MEGF10: variants seen among roughly 807,000 people sequenced by gnomAD.
The protein encoded by MEGF10 is multiple EGF like domains 10, also known as multiple epidermal growth factor-like domains protein 10.
Under a neutral mutation model 147.5 loss-of-function variants are expected in MEGF10, and 86 were observed. That is an observed-to-expected ratio of 0.58 (90% confidence interval 0.49 to 0.70). The LOEUF is 0.70. MEGF10 is among the 30% of genes least tolerant of loss of function. The pLI is 0.00. For synonymous variants in MEGF10, 478 were observed against 525.5 expected (o/e 0.91, Z 1.24); for missense variants, 1,329 against 1,487.3 (o/e 0.89, Z 1.75).
chr5:127,269,290 G>A, the MEGF10 span, among the ~76,000 whole-genome samples: 1 of 152,206 alleles, frequency 6.6e-6, no homozygotes, highest in Non-Finnish European at 1.5e-5. Context: ...AAACTACTCC[G>A]AGCTAAAGGA....
chr5:127,293,598 T>A lies in MEGF10; in HGVS notation c.-19+2542T>A, dbSNP rs148348633. Among the ~76,000 whole-genome samples the A allele has an allele frequency of 4.7e-3, 713 of 152,334 alleles. 7 individuals carry two copies. Among genetic ancestry groups the A allele is most frequent in the African/African-American group, 0.016 (648 of 41,584 alleles). On this transcript the variant is annotated intron_variant, in intron 1 of 24. Transcript: ENST00000503335. ...TGCAAAACTCAAGTCACATGCTCATTTAGCAGCAGTGAATTTACCTTCTTT... is the reference window on the plus strand; with the variant it reads ...TGCAAAACTCAAGTCACATGCTCATATAGCAGCAGTGAATTTACCTTCTTT...
intron 20 of MEGF10, among the ~76,000 whole-genome samples, chr5:127,447,232 G>A (rs532752891): frequency 6.6e-6 from 1 of 152,280 alleles, no homozygotes; most frequent in South Asian, 2.1e-4. Flanking sequence ...CTGGAGTGCA[G>A]TGGTGCGATC....
chr5:127,401,022 A>G (rs1194804727), intron 7 of MEGF10, among the ~76,000 whole-genome samples: 1 of 152,198 alleles, frequency 6.6e-6, no homozygotes. Flanking sequence ...TCCTCTTTAA[A>G]GCTGCTTGTG....
At chr5:127,332,149 C>A (rs924393156) in intron 2 of MEGF10, among the ~76,000 whole-genome samples, 25 of 152,152 alleles carry the variant, frequency 1.6e-4, no homozygotes, top group African/African-American at 5.8e-4. Context: ...AGATCATCCT[C>A]TGGGACTTTA....
chr5:127,398,453 C>T (rs568697180), intron 6 of MEGF10, among the ~76,000 whole-genome samples: 3 of 152,070 alleles, frequency 2.0e-5, no homozygotes, highest in South Asian at 2.1e-4. Context: ...CTCTTCAAAC[C>T]GAAATGGCTT....
intron 5 of MEGF10, among the ~76,000 whole-genome samples, chr5:127,375,199 T>C (rs1248960077): frequency 1.3e-5 from 2 of 149,844 alleles, no homozygotes; most frequent in African/African-American, 4.9e-5. Context: ...TGGTAATCAA[T>C]TGATAACTGT....
At chr5:127,447,515 A>G in intron 20 of MEGF10, 42 bp from the exon 21 acceptor site, 1 of 1,612,738 alleles carries the variant, frequency 6.2e-7, no homozygotes, top group South Asian at 1.1e-5. Context: ...ACACACATTT[A>G]TGGGAGCCTG....
At chr5:127,440,386 T>C (rs1227510589) in intron 17 of MEGF10, among the ~76,000 whole-genome samples, 1 of 152,120 alleles carries the variant, frequency 6.6e-6, no homozygotes, top group Non-Finnish European at 1.5e-5. Flanking sequence ...GGAATTTGAG[T>C]CCAGGATTCT....
Position 127,449,159 on chromosome 5 carries a change from G to A in MEGF10, c.2917G>A (p.Val973Met). The A allele has an allele frequency of 6.2e-7, 1 of 1,614,128 alleles. No individual in the cohort carries two copies. Among genetic ancestry groups the A allele is most frequent in the Non-Finnish European group, 8.5e-7 (1 of 1,180,010 alleles). ...TGTGAACCCTGGGAAGAGAGGCCCT[G>A]TGGGGGACTGCACTGGGACATTGCC... The part of the protein sequence containing the change: ...KNVNPGKRGP[V>M]GDCTGTLPAD... Residue 973 changes from valine (V) to methionine (M), a missense_variant, in exon 22 of 25, where the codon GTG (valine) becomes ATG (methionine). Transcript: ENST00000503335.
At chr5:127,439,003 A>T (rs1248061938) in intron 17 of MEGF10, among the ~76,000 whole-genome samples, 1 of 152,188 alleles carries the variant, frequency 6.6e-6, no homozygotes, top group Non-Finnish European at 1.5e-5. Flanking sequence ...CTTCAGAATC[A>T]CCTGGAGGAC....
intron 22 of MEGF10, among the ~76,000 whole-genome samples, chr5:127,451,692 T>C (rs1429975066): frequency 6.6e-6 from 1 of 152,210 alleles, no homozygotes; most frequent in Non-Finnish European, 1.5e-5. Context: ...TGTCTCTGCT[T>C]TCTGGCTCAA....
chr5:127,366,806 C>T (rs1762673250), intron 4 of MEGF10, among the ~76,000 whole-genome samples: 1 of 152,154 alleles, frequency 6.6e-6, no homozygotes, highest in African/African-American at 2.4e-5. Context: ...GTGTGATTAT[C>T]TAGCAATCTC....
At chr5:127,276,393 A>C in the MEGF10 span, among the ~76,000 whole-genome samples, 1 of 152,222 alleles carries the variant, frequency 6.6e-6, no homozygotes, top group Admixed American at 6.5e-5. Flanking sequence ...TTGATTAATT[A>C]ATTCATTATG....
upstream of MEGF10, among the ~76,000 whole-genome samples, chr5:127,289,194 A>C (rs1008428766): frequency 3.3e-5 from 5 of 152,230 alleles, no homozygotes; most frequent in African/African-American, 1.2e-4. Flanking sequence ...AAGCTGTATA[A>C]TTAATATGAG....
intron 20 of MEGF10, among the ~76,000 whole-genome samples, 187 bp downstream of exon 20, chr5:127,445,880 T>C (rs1765926503): frequency 6.6e-6 from 1 of 152,236 alleles, no homozygotes; most frequent in Admixed American, 6.5e-5. Flanking sequence ...TAAATTGTCA[T>C]TCTGTGGTTT....
chr5:127,409,054 G>T (rs540651492), intron 8 of MEGF10, among the ~76,000 whole-genome samples: 1 of 152,222 alleles, frequency 6.6e-6, no homozygotes, highest in South Asian at 2.1e-4. Context: ...TCCAGTCTGG[G>T]TGATAGAGGC....
At chr5:127,442,947 T>G in intron 18 of MEGF10, 51 bp from the exon 19 acceptor site, 1 of 1,577,438 alleles carries the variant, frequency 6.3e-7, no homozygotes, top group Non-Finnish European at 8.6e-7. Context: ...AGAGACAGCC[T>G]TGCTCCAAAT....
At chr5:127,245,345 C>T in the MEGF10 span, among the ~76,000 whole-genome samples, 2 of 152,074 alleles carry the variant, frequency 1.3e-5, no homozygotes. Context: ...TGACAAAACA[C>T]AAGGAATGGG....
chr5:127,457,069 A>G, intron 24 of MEGF10, 59 bp from the exon 25 acceptor site: 1 of 1,475,516 alleles, frequency 6.8e-7, no homozygotes, highest in East Asian at 2.3e-5. Flanking sequence ...AAGAAATGCC[A>G]TATTCTTTTT....
Sources: allele counts gnomAD v4.1 joint callset (sites outside exome capture counted in the v4.1 genomes callset), GRCh38; gene constraint gnomAD v4.1.1; transcripts MANE v1.5; gene names NCBI Gene and HGNC (gene_info 2026-07-23, HGNC 2026-07-21).